Variants in SLC23A2 observed in about 807,000 individuals in gnomAD.
SLC23A2 encodes solute carrier family 23 member 2.
A neutral mutation model predicts 73.3 loss-of-function variants in SLC23A2; 36 were observed. The observed-to-expected ratio is 0.49, with a 90% CI of 0.38 to 0.65. The LOEUF (loss-of-function observed/expected upper bound fraction) is 0.65, where lower values mean the gene tolerates loss of function less well. Ranked by LOEUF, SLC23A2 falls within the 30% of genes least tolerant of loss-of-function variation. The pLI, the probability that SLC23A2 is intolerant of heterozygous loss-of-function variation, is 0.00. For missense variants in SLC23A2, 507 were observed against 841.6 expected (o/e 0.60, Z 4.92); for synonymous variants, 343 against 327.3 (o/e 1.05, Z -0.52).
intron 3 of SLC23A2, among the ~76,000 whole-genome samples, chr20:4,921,693 G>C (rs1932504680): frequency 6.6e-6 from 1 of 151,418 alleles, no homozygotes; most frequent in Non-Finnish European, 1.5e-5. Flanking sequence ...TTTCTGGCTA[G>C]TGAGATTTTA....
intron 3 of SLC23A2, among the ~76,000 whole-genome samples, chr20:4,913,608 TTTG>T (rs72552235): frequency 3.3e-4 from 50 of 151,956 alleles, no homozygotes; most frequent in Admixed American, 1.2e-3. Flanking sequence ...TTTTTTAGGT[TTTG>T]TTGTTGTTGT....
intron 2 of SLC23A2, 146 bp from the exon 3 acceptor site, chr20:4,932,862 AGG>A: frequency 3.9e-6 from 1 of 255,610 alleles, no homozygotes; most frequent in Non-Finnish European, 7.4e-6. Flanking sequence ...TACAGTTTTC[AGG>A]CACCCAACAC....
rs2088059816 is a variant in SLC23A2 at position 4,998,436 on chromosome 20, A to G, written c.-282+2970T>C. On this transcript the variant is annotated intron_variant, in intron 1 of 16. Coordinates refer to ENST00000338244, the MANE Select transcript of SLC23A2 (RefSeq NM_005116.6). This position sits in a 1 kb window ranked among gnomAD's most constrained non-coding sequence, Gnocchi z 4.1. Reference sequence around the variant, plus strand: ...CCTGTGACGAAATAACAGGTTCAAAATAGCAAAGCCACAGAGAAAATGAGA... The same window carrying G: ...CCTGTGACGAAATAACAGGTTCAAAGTAGCAAAGCCACAGAGAAAATGAGA... 6.6e-6 allele frequency among the ~76,000 whole-genome samples: 1 copy of G among 152,236 alleles called. No homozygotes were observed. The highest frequency in any genetic ancestry group is 2.1e-4 in the South Asian group (1 of 4,836).
intron 6 of SLC23A2, among the ~76,000 whole-genome samples, chr20:4,889,272 G>C (rs1226735809): frequency 6.6e-6 from 1 of 152,160 alleles, no homozygotes; most frequent in East Asian, 1.9e-4. Context: ...AGAGAGGGGA[G>C]GTGCAAAACA....
chr20:4,866,797 T>G (rs1392416629), intron 13 of SLC23A2, among the ~76,000 whole-genome samples: 11 of 152,040 alleles, frequency 7.2e-5, no homozygotes, highest in Admixed American at 7.2e-4. Context: ...AATCCACTCC[T>G]CCCTCCCAAT....
At position 4,997,178 on chromosome 20, in the gene SLC23A2, A is replaced by G. The variant is rs116190044; in HGVS notation, c.-282+4228T>C. The stretch of plus-strand genomic sequence containing the variant: ...TGCTGTCCTGCCTTCAATCTGTCTC[A>G]CACAGCAACGCCTAGAGTGTGCTTG... On this transcript the variant is annotated intron_variant, in intron 1 of 16. Coordinates refer to ENST00000338244, the MANE Select transcript of SLC23A2 (RefSeq NM_005116.6). 3.1e-3 allele frequency among the ~76,000 whole-genome samples: 472 copies of G among 152,132 alleles called. 3 individuals are homozygous for G. The highest frequency in any genetic ancestry group is 0.011 in the African/African-American group (442 of 41,504).
At position 4,863,958 on chromosome 20, in the gene SLC23A2, GT is replaced by G. The variant is rs1283058706; in HGVS notation, c.1357-1052del. Reference sequence around the variant, plus strand: ...TCTAGCCTGCTGTCACCAGTCATGGGTTGGGATGGCCCTCTGTGTCTCAACG... The same window carrying G: ...TCTAGCCTGCTGTCACCAGTCATGGGTGGGATGGCCCTCTGTGTCTCAACG... On this transcript the variant is annotated intron_variant, in intron 13 of 16. Coordinates refer to ENST00000338244, the MANE Select transcript of SLC23A2 (RefSeq NM_005116.6). This position sits in a 1 kb window ranked among gnomAD's most constrained non-coding sequence, Gnocchi z 4.8. 1.3e-5 allele frequency among the ~76,000 whole-genome samples: 2 copies of G among 152,148 alleles called. No homozygotes were observed. The highest frequency in any genetic ancestry group is 6.5e-5 in the Admixed American group (1 of 15,280).
intron 3 of SLC23A2, among the ~76,000 whole-genome samples, chr20:4,915,830 C>T (rs118158569): frequency 0.021 from 3,187 of 152,206 alleles, 43 homozygotes; most frequent in Non-Finnish European, 0.034. Context: ...CGCCTCTAAT[C>T]CCAGCTACTT....
At chr20:4,913,550 C>A (rs1932229255) in intron 3 of SLC23A2, among the ~76,000 whole-genome samples, 1 of 152,142 alleles carries the variant, frequency 6.6e-6, no homozygotes, top group Non-Finnish European at 1.5e-5. Context: ...AAAGCTTTAA[C>A]CCAAAGAAAG....
chr20:4,951,080 G>C (rs1026040711), intron 2 of SLC23A2, among the ~76,000 whole-genome samples: 5 of 152,130 alleles, frequency 3.3e-5, no homozygotes, highest in African/African-American at 1.2e-4. Context: ...CACGCCTAGG[G>C]GAGCCAAGAA....
chr20:4,869,879 C>G, intron 12 of SLC23A2, 27 bp downstream of exon 12: 2 of 1,594,970 alleles, frequency 1.3e-6, no homozygotes, highest in Non-Finnish European at 1.7e-6. Context: ...TGGGACCAAT[C>G]AGGAACTTGT....
At position 4,857,283 on chromosome 20, in the gene SLC23A2, TACACACACACACACACACACACAC is replaced by T. The variant is rs398035250; in HGVS notation, c.1721-103_1721-80del. The T allele has an allele frequency of 1.9e-4, 79 of 421,168 alleles. No individual in the cohort carries two copies. The highest frequency in any genetic ancestry group is 1.3e-3 in the South Asian group (44 of 33,546). The allele number at this position is 421,168 out of a possible 1,614,324, so 26.1% of individuals were successfully genotyped here. On this transcript the variant is annotated intron_variant, in intron 16 of 16. Transcript: ENST00000338244. The surrounding 1 kb of genome is among the most constrained non-coding windows in gnomAD (Gnocchi z 4.0). ...GAAAATGAAACTGTCGTCAAACACATACACACACACACACACACACACACACACACACACACACACACACACACA... is the reference window on the plus strand; with the variant it reads ...GAAAATGAAACTGTCGTCAAACACATACACACACACACACACACACACACA...
At position 4,899,615 on chromosome 20, in the gene SLC23A2, A is replaced by G. The variant is rs1456263380; in HGVS notation, c.422T>C (p.Ile141Thr). ...TCCCACACAGAAGAAAATGGTCCCAATGAGCTGGCTGGTGGCCCACTGGTC... is the reference window on the plus strand; with the variant it reads ...TCCCACACAGAAGAAAATGGTCCCAGTGAGCTGGCTGGTGGCCCACTGGTC... ...GYDQWATSQL[I>T]GTIFFCVGIT... The change falls in exon 6 of 17, where the codon ATT becomes ACT. Residue 141 changes from isoleucine (I) to threonine (T), a missense_variant. By Grantham distance (89) the Ile-to-Thr change is moderately conservative. This residue lies in a region of SLC23A2 where 217 missense variants were observed against 398.0 expected (regional missense o/e 0.55). Transcript: ENST00000338244. This position sits in a 1 kb window ranked among gnomAD's most constrained non-coding sequence, Gnocchi z 4.9. 1.9e-6 allele frequency: 3 copies of G among 1,614,054 alleles called. No homozygotes were observed. Among genetic ancestry groups the G allele is most frequent in the Non-Finnish European group, 2.5e-6 (3 of 1,180,028 alleles).
chr20:4,996,067 T>C (rs1395262728), intron 1 of SLC23A2, among the ~76,000 whole-genome samples: 1 of 152,208 alleles, frequency 6.6e-6, no homozygotes, highest in African/African-American at 2.4e-5. Flanking sequence ...AGAAGCCACC[T>C]TGCCTGCCAG....
intron 12 of SLC23A2, 170 bp downstream of exon 12, chr20:4,869,736 G>C (rs1387873686): frequency 3.6e-6 from 2 of 559,062 alleles, no homozygotes; most frequent in Admixed American, 3.5e-5. Flanking sequence ...TGGTGTATCA[G>C]ACAGTCGAAA....
At chr20:4,923,655 A>G (rs1470449287) in intron 3 of SLC23A2, among the ~76,000 whole-genome samples, 1 of 152,186 alleles carries the variant, frequency 6.6e-6, no homozygotes, top group Non-Finnish European at 1.5e-5. Flanking sequence ...CCAGACAACT[A>G]TTATTACCAT....
chr20:4,991,888 A>G (rs1450685840), intron 1 of SLC23A2, among the ~76,000 whole-genome samples: 1 of 152,130 alleles, frequency 6.6e-6, no homozygotes, highest in African/African-American at 2.4e-5. Flanking sequence ...GCATTTAATG[A>G]AATTTCCCAT....
At chr20:4,928,524 C>A (rs192028846) in intron 3 of SLC23A2, among the ~76,000 whole-genome samples, 1 of 152,156 alleles carries the variant, frequency 6.6e-6, no homozygotes, top group Non-Finnish European at 1.5e-5. Flanking sequence ...CCAAATCATC[C>A]TGGGAGCTCA....
intron 2 of SLC23A2, among the ~76,000 whole-genome samples, chr20:4,945,149 T>A (rs1368884818): frequency 1.3e-5 from 2 of 152,116 alleles, no homozygotes; most frequent in African/African-American, 4.8e-5. Context: ...CATTTAAAGC[T>A]CCAAGCAGCA....
Sources: gnomAD v4.1 joint callset for allele counts (sites outside exome capture counted in the v4.1 genomes callset) on GRCh38, gnomAD v4.1.1 for gene constraint, gnomAD v4.1.1 regional missense constraint, Gnocchi (gnomAD v3.1) non-coding constraint, MANE v1.5 for transcripts, NCBI Gene and HGNC (gene_info 2026-07-23, HGNC 2026-07-21) for gene names.